The following GCC2 variants were observed in gnomAD, a reference collection of about 807,000 sequenced individuals.
GCC2 encodes GRIP and coiled-coil domain containing 2, also known as GRIP and coiled-coil domain-containing protein 2.
In GCC2, 120 loss-of-function variants were observed where a neutral mutation model predicts 210.6. The ratio of observed to expected loss-of-function variants is 0.57; its 90% CI spans 0.49 to 0.66. The LOEUF (loss-of-function observed/expected upper bound fraction) is 0.66, where lower values mean the gene tolerates loss of function less well. Among genes scored for constraint, GCC2 ranks in the 30% least tolerant of loss-of-function variants. GCC2 has a pLI of 0.00. For missense variants in GCC2, 1,868 were observed against 1,871.9 expected, an observed-to-expected ratio of 1.00 and a Z score of 0.04; for synonymous variants, 703 against 652.7, an observed-to-expected ratio of 1.08 and a Z score of -1.17.
intron 4 of GCC2, among the ~76,000 whole-genome samples, chr2:108,454,558 C>T (rs1229644812): frequency 6.6e-6 from 1 of 152,150 alleles, no homozygotes; most frequent in Non-Finnish European, 1.5e-5. Flanking sequence ...TTTTCTTAAT[C>T]CATGATAGCC....
At chr2:108,488,946 T>A (rs934865497) in intron 17 of GCC2, among the ~76,000 whole-genome samples, 23 of 152,236 alleles carry the variant, frequency 1.5e-4, no homozygotes, top group African/African-American at 5.3e-4. Flanking sequence ...AAAATATAAA[T>A]GTCACCATTT....
chr2:108,476,106 G>A (rs1400660801), intron 9 of GCC2, among the ~76,000 whole-genome samples: 1 of 137,230 alleles, frequency 7.3e-6, no homozygotes, highest in African/African-American at 2.7e-5. Context: ...TCTCGCCCAG[G>A]CTGGAGTGCA....
At chr2:108,464,812 G>A (rs1369979620) in intron 4 of GCC2, among the ~76,000 whole-genome samples, 1 of 152,148 alleles carries the variant, frequency 6.6e-6, no homozygotes, top group African/African-American at 2.4e-5. Context: ...AAGAAAAGAG[G>A]TTTAATTCGT....
At chr2:108,504,739 C>A (rs562857309) in intron 22 of GCC2, among the ~76,000 whole-genome samples, 2 of 152,160 alleles carry the variant, frequency 1.3e-5, no homozygotes, top group South Asian at 2.1e-4. Flanking sequence ...TTTTACTACT[C>A]AAGCAGGAAG....
intron 4 of GCC2, among the ~76,000 whole-genome samples, chr2:108,452,939 G>C (rs1008009959): frequency 6.6e-6 from 1 of 152,034 alleles, no homozygotes. Context: ...CGATCCGCCC[G>C]CCTCAGCCTC....
At chr2:108,467,423 T>G (rs1228941243) in intron 4 of GCC2, among the ~76,000 whole-genome samples, 1 of 152,228 alleles carries the variant, frequency 6.6e-6, no homozygotes, top group African/African-American at 2.4e-5. Flanking sequence ...ATTTTTTATA[T>G]AAACAGTCAT....
Position 108,470,146 on chromosome 2 carries a change from T to G in GCC2, c.817T>G (p.Leu273Val). The G allele has an allele frequency of 6.2e-7, 1 of 1,613,624 alleles. No individual in the cohort carries two copies. Among genetic ancestry groups the G allele is most frequent in the East Asian group, 2.2e-5 (1 of 44,834 alleles). ...GGAACATGAAGCAGAGATAAATAAG[T>G]TGAACGAGCTAAAAGAGAACTTAGT... ...AKEHEAEINKLNELKENLVKQ... is the reference protein window; with the variant it reads ...AKEHEAEINKVNELKENLVKQ... The change falls in exon 6 of 23, where the codon TTG (leucine) becomes GTG (valine). Residue 273 changes from leucine to valine, a missense_variant. Physicochemically the swap from Leu to Val is conservative, Grantham distance 32. This residue lies in a region of GCC2 where 1,847 missense variants were observed against 1,765.2 expected (regional missense o/e 1.05). Coordinates refer to ENST00000309863, the MANE Select transcript of GCC2 (RefSeq NM_181453.4).
chr2:108,490,062 C>T (rs746620185), intron 18 of GCC2, 48 bp downstream of exon 18: 4 of 1,315,676 alleles, frequency 3.0e-6, no homozygotes, highest in African/African-American at 3.0e-5. Context: ...CAATGTATTT[C>T]TTTGTTGAAA....
chr2:108,475,051 C>T (rs1449190892), intron 7 of GCC2: 1 of 152,206 alleles, frequency 6.6e-6, no homozygotes, highest in Non-Finnish European at 1.5e-5. Flanking sequence ...GGAGTTCAAG[C>T]TAAAGAAGTT....
intron 4 of GCC2, among the ~76,000 whole-genome samples, chr2:108,453,872 C>G (rs1390759501): frequency 6.6e-6 from 1 of 151,890 alleles, no homozygotes; most frequent in African/African-American, 2.4e-5. Context: ...TTCATTCCCT[C>G]ACTTTCATTG....
At chr2:108,480,289 G>C (rs1239692833) in intron 9 of GCC2, among the ~76,000 whole-genome samples, 1 of 152,158 alleles carries the variant, frequency 6.6e-6, no homozygotes, top group Non-Finnish European at 1.5e-5. Flanking sequence ...AGAGAAAAAG[G>C]AACACTTACA....
At chr2:108,463,357 G>A (rs915172074) in intron 4 of GCC2, among the ~76,000 whole-genome samples, 1 of 151,912 alleles carries the variant, frequency 6.6e-6, no homozygotes, top group Non-Finnish European at 1.5e-5. Context: ...CTTTTGTAGG[G>A]AAGAACTTTT....
chr2:108,487,375 C>A (rs927598380), intron 16 of GCC2, among the ~76,000 whole-genome samples: 2 of 152,104 alleles, frequency 1.3e-5, no homozygotes, highest in African/African-American at 4.8e-5. Context: ...TGTAAGGCCT[C>A]CCAACATGAA....
Position 108,495,810 on chromosome 2 carries a change from CA to C in GCC2, c.4642+326del, listed in dbSNP as rs67196624. Reference sequence around the variant, plus strand: ...ATGTTCAAGGGCAGGAAGCATCCAGCACAGGAGAAAGATGTAGGTTGGGAGG... The same window carrying C: ...ATGTTCAAGGGCAGGAAGCATCCAGCCAGGAGAAAGATGTAGGTTGGGAGG... On this transcript the variant is annotated intron_variant, in intron 20 of 22. Transcript: ENST00000309863. 1,473 of 172,210 alleles carry C rather than the reference CA, an allele frequency of 8.6e-3. 24 individuals are homozygous for C. The highest frequency in any genetic ancestry group is 0.031 in the Middle Eastern group (11 of 352). The allele number at this position is 172,210 out of a possible 1,614,324, so 10.7% of individuals were successfully genotyped here. A position where few individuals can be genotyped will look rare whatever the true frequency, so the allele number is the denominator to read the frequency against.
At position 108,507,670 on chromosome 2, in the gene GCC2, AT is replaced by A. The variant is rs770259216; in HGVS notation, c.*43del. On this transcript the variant is annotated 3_prime_UTR_variant, in exon 23 of 23. Coordinates refer to ENST00000309863, the MANE Select transcript of GCC2 (RefSeq NM_181453.4). ...TATTTTTATTAACCAAATAGAATCT[AT>A]TTACAAAAATGGTTCACGTATATTA... The A allele has an allele frequency of 4.4e-6, 6 of 1,375,356 alleles. No homozygotes were observed. The highest frequency in any genetic ancestry group is 6.1e-6 in the Non-Finnish European group (6 of 980,596). The allele number at this position is 1,375,356 out of a possible 1,614,324, so 85.2% of individuals were successfully genotyped here.
At chr2:108,503,301 G>A (rs1363456855) in intron 22 of GCC2, among the ~76,000 whole-genome samples, 1 of 152,124 alleles carries the variant, frequency 6.6e-6, no homozygotes, top group Non-Finnish European at 1.5e-5. Context: ...CAGCATTGGT[G>A]TAATACTATC....
At chr2:108,482,198 C>A in intron 10 of GCC2, 89 bp from the exon 11 acceptor site, 1 of 738,618 alleles carries the variant, frequency 1.4e-6, no homozygotes, top group Non-Finnish European at 2.3e-6. Context: ...TCACACTATG[C>A]CAATATTCTC....
At chr2:108,503,627 G>A (rs184369455) in intron 22 of GCC2, among the ~76,000 whole-genome samples, 161 of 152,216 alleles carry the variant, frequency 1.1e-3, no homozygotes, top group African/African-American at 3.7e-3. Context: ...ACTCTTCCTG[G>A]CACTGAAGGA....
At chr2:108,496,366 A>G (rs1190064739) in intron 20 of GCC2, 26 of 155,256 alleles carry the variant, frequency 1.7e-4, no homozygotes, top group Non-Finnish European at 2.9e-4. Flanking sequence ...AGTAAGGGTC[A>G]TTTGTATTCA....
Sources: gnomAD v4.1 joint callset for allele counts (sites outside exome capture counted in the v4.1 genomes callset) on GRCh38, gnomAD v4.1.1 for gene constraint, gnomAD v4.1.1 regional missense constraint, MANE v1.5 for transcripts, NCBI Gene and HGNC (gene_info 2026-07-23, HGNC 2026-07-21) for gene names.